The following MECOM variants were observed in gnomAD, a reference collection of about 807,000 sequenced individuals.
MECOM encodes the protein MDS1 and EVI1 complex locus, also known as histone-lysine N-methyltransferase MECOM.
Under a neutral mutation model 116.3 loss-of-function variants are expected in MECOM, and 13 were observed. The ratio of observed to expected loss-of-function variants is 0.11; its 90% CI spans 0.07 to 0.18. MECOM has a LOEUF of 0.18. Ranked by LOEUF, MECOM falls within the 10% of genes least tolerant of loss-of-function variation. MECOM has a pLI of 1.00. For missense variants in MECOM, 1,299 were observed against 1,509.0 expected, an observed-to-expected ratio of 0.86 and a Z score of 2.31; for synonymous variants, 528 against 535.2, an observed-to-expected ratio of 0.99 and a Z score of 0.19.
chr3:169,497,624 C>T (rs1293059027), intron 1 of MECOM, among the ~76,000 whole-genome samples: 1 of 152,172 alleles, frequency 6.6e-6, no homozygotes, highest in East Asian at 1.9e-4. Flanking sequence ...TCCCAAAATG[C>T]TGGGATTACA....
intron 2 of MECOM, among the ~76,000 whole-genome samples, chr3:169,147,916 A>G (rs1331907775): frequency 6.6e-6 from 1 of 151,882 alleles, no homozygotes; most frequent in African/African-American, 2.4e-5. Context: ...GGGTATAGGG[A>G]CGCTAGTTCA....
At chr3:169,098,215 C>T (rs1041371918) in intron 12 of MECOM, among the ~76,000 whole-genome samples, 6 of 152,064 alleles carry the variant, frequency 3.9e-5, no homozygotes, top group Non-Finnish European at 8.8e-5. Context: ...ATTTTAATAT[C>T]ACCAATTTTC....
intron 1 of MECOM, among the ~76,000 whole-genome samples, chr3:169,461,282 T>G (rs1026096628): frequency 6.6e-6 from 1 of 152,162 alleles, no homozygotes; most frequent in African/African-American, 2.4e-5. Context: ...TGGTCTTATC[T>G]GACTCATCAT....
At chr3:169,381,736 A>G (rs944958606) in intron 1 of MECOM, among the ~76,000 whole-genome samples, 2 of 152,218 alleles carry the variant, frequency 1.3e-5, no homozygotes, top group Non-Finnish European at 1.5e-5. Context: ...CCATAAATCA[A>G]ATGAGCTAAT....
intron 2 of MECOM, among the ~76,000 whole-genome samples, chr3:169,183,186 C>T (rs1434397373): frequency 1.3e-5 from 2 of 152,138 alleles, no homozygotes; most frequent in African/African-American, 4.8e-5. Context: ...GCTACTGTTA[C>T]CCTAGCTATG....
At position 169,130,302 on chromosome 3, in the gene MECOM, C is replaced by A. The variant is rs79748274; in HGVS notation, c.613+1127G>T. ...GAAAGCCCAGATTGCAGTTCTTCATCATCTAAGAACTCCTTGCTGCCGAAG... is the reference window on the plus strand; with the variant it reads ...GAAAGCCCAGATTGCAGTTCTTCATAATCTAAGAACTCCTTGCTGCCGAAG... On this transcript the variant is annotated intron_variant, in intron 4 of 16. Coordinates refer to ENST00000651503, the MANE Select transcript of MECOM (RefSeq NM_004991.4). Among the ~76,000 whole-genome samples the A allele has an allele frequency of 1.4e-3, 215 of 152,236 alleles. 2 individuals are homozygous for A. Among genetic ancestry groups the A allele is most frequent in the Admixed American group, 0.01 (156 of 15,292 alleles).
chr3:169,577,369 T>C (rs1764639351), intron 1 of MECOM, among the ~76,000 whole-genome samples: 1 of 152,156 alleles, frequency 6.6e-6, no homozygotes, highest in Non-Finnish European at 1.5e-5. Context: ...TGCTTTATAA[T>C]TAATAAAAAT....
intron 2 of MECOM, among the ~76,000 whole-genome samples, chr3:169,246,501 C>T (rs1463725133): frequency 6.6e-6 from 1 of 150,550 alleles, no homozygotes; most frequent in African/African-American, 2.4e-5. Flanking sequence ...ATTATCTCAT[C>T]TATCAACTGA....
At chr3:169,540,082 G>C (rs537815961) in intron 1 of MECOM, among the ~76,000 whole-genome samples, 24 of 152,154 alleles carry the variant, frequency 1.6e-4, no homozygotes, top group African/African-American at 5.5e-4. Flanking sequence ...CTCTCTTCCT[G>C]TGCCAAGGAC....
Position 169,314,735 on chromosome 3 carries a change from G to A in MECOM, c.375+66452C>T, listed in dbSNP as rs113786857. On this transcript the variant is annotated intron_variant, in intron 2 of 16. Coordinates refer to ENST00000651503, the MANE Select transcript of MECOM (RefSeq NM_004991.4). ...GGAGAAAAAAAAGCAAGCATTGGCC[G>A]CAGAAACTGATAGAGAGGAAAAGGC... Among the ~76,000 whole-genome samples, 1,484 of 152,214 alleles carry A rather than the reference G, an allele frequency of 9.7e-3. 13 individuals are homozygous for A. The highest frequency in any genetic ancestry group is 0.015 in the Non-Finnish European group (1,007 of 67,980).
chr3:169,392,490 A>C (rs1361921106), intron 1 of MECOM, among the ~76,000 whole-genome samples: 3 of 152,156 alleles, frequency 2.0e-5, no homozygotes, highest in Non-Finnish European at 4.4e-5. Flanking sequence ...GAATTCATTT[A>C]CCCATTCCAA....
At chr3:169,405,953 T>C (rs1736629586) in intron 1 of MECOM, among the ~76,000 whole-genome samples, 1 of 152,206 alleles carries the variant, frequency 6.6e-6, no homozygotes, top group Non-Finnish European at 1.5e-5. Flanking sequence ...CCAACAGACT[T>C]CATCAAATAA....
At chr3:169,475,582 T>G (rs1164596806) in intron 1 of MECOM, among the ~76,000 whole-genome samples, 1 of 135,348 alleles carries the variant, frequency 7.4e-6, no homozygotes, top group Admixed American at 7.0e-5. Flanking sequence ...AAAGTCGAAG[T>G]TTTTTTTTTT....
intron 2 of MECOM, among the ~76,000 whole-genome samples, chr3:169,291,349 G>A (rs1046267017): frequency 3.0e-4 from 46 of 152,118 alleles, no homozygotes; most frequent in Non-Finnish European, 5.3e-4. Flanking sequence ...ATAACTAATT[G>A]TAACATGACA....
rs777622718 is a variant in MECOM at position 169,095,245 on chromosome 3, T to A, written c.2850A>T (p.Arg950Ser). The change falls in exon 13 of 17, where the codon AGA becomes AGT. Residue 950 changes from arginine (R) to serine (S), a missense_variant and splice_region_variant. Around this residue, in one of 6 missense-constraint regions of MECOM, gnomAD observed 32 missense variants for 96.7 expected, o/e 0.33. Coordinates refer to ENST00000651503, the MANE Select transcript of MECOM (RefSeq NM_004991.4). Reference sequence around the variant, plus strand: ...TAAATGATCTGTCACAGTATTTGCATCTGAAAAATAAACAAAGAGAAAATA... The same window carrying A: ...TAAATGATCTGTCACAGTATTTGCAACTGAAAAATAAACAAAGAGAAAATA... ...LRTHTGEQPYRCKYCDRSFSI... is the reference protein window; with the variant it reads ...LRTHTGEQPYSCKYCDRSFSI... 16 of 1,603,112 alleles carry A rather than the reference T, an allele frequency of 1.0e-5. No homozygotes were observed. The highest frequency in any genetic ancestry group is 1.2e-5 in the Non-Finnish European group (14 of 1,175,578).
intron 2 of MECOM, among the ~76,000 whole-genome samples, chr3:169,333,267 G>A (rs1236284119): frequency 6.6e-6 from 1 of 152,212 alleles, no homozygotes; most frequent in Admixed American, 6.5e-5. Flanking sequence ...AGATACAGAG[G>A]GGTGACCTGT....
intron 1 of MECOM, among the ~76,000 whole-genome samples, chr3:169,558,093 A>C (rs573854076): frequency 1.3e-5 from 2 of 152,218 alleles, no homozygotes; most frequent in African/African-American, 2.4e-5. Flanking sequence ...GCAATTTAAC[A>C]TCAGAAAATA....
At chr3:169,426,038 T>C (rs1386468582) in intron 1 of MECOM, among the ~76,000 whole-genome samples, 1 of 152,208 alleles carries the variant, frequency 6.6e-6, no homozygotes, top group African/African-American at 2.4e-5. Context: ...CTATGTTTTG[T>C]ATTTTAACAA....
At chr3:169,434,507 A>C (rs1742305691) in intron 1 of MECOM, among the ~76,000 whole-genome samples, 1 of 152,030 alleles carries the variant, frequency 6.6e-6, no homozygotes. Flanking sequence ...TTTCAGAAAT[A>C]TTTATTCCAT....
Sources: gnomAD v4.1 joint callset for allele counts (sites outside exome capture counted in the v4.1 genomes callset) on GRCh38, gnomAD v4.1.1 for gene constraint, gnomAD v4.1.1 regional missense constraint, MANE v1.5 for transcripts, NCBI Gene and HGNC (gene_info 2026-07-23, HGNC 2026-07-21) for gene names.